RAC1: variants seen among roughly 807,000 people sequenced by gnomAD.
RAC1 encodes the protein Rac family small GTPase 1.
A neutral mutation model predicts 25.2 loss-of-function variants in RAC1; 2 were observed. The observed-to-expected ratio is 0.08, with a 90% CI of 0.03 to 0.25. The LOEUF (loss-of-function observed/expected upper bound fraction) is 0.25, where lower values mean the gene tolerates loss of function less well. Ranked by LOEUF, RAC1 falls within the 10% of genes least tolerant of loss-of-function variation. RAC1 has a pLI of 1.00. For synonymous variants in RAC1, 88 were observed against 94.0 expected (o/e 0.94, Z 0.37); for missense variants, 50 against 235.7 (o/e 0.21, Z 5.16).
At chr7:6,391,883 C>G in intron 2 of RAC1, 41 bp from the exon 3 acceptor site, 1 of 1,613,646 alleles carries the variant, frequency 6.2e-7, no homozygotes, top group Non-Finnish European at 8.5e-7. Context: ...AGTGACTTAG[C>G]TTCTACACCT....
At chr7:6,392,888 G>T (rs36094359) in intron 3 of RAC1, among the ~76,000 whole-genome samples, 1 of 152,206 alleles carries the variant, frequency 6.6e-6, no homozygotes, top group Non-Finnish European at 1.5e-5. Context: ...CTGTTTCCTT[G>T]TAGGGTGAGA....
rs34847745 is a variant in RAC1, at chr7:6,383,784, C to CTTTTTTTTT, written c.36-3401_36-3393dup. On this transcript the variant is annotated intron_variant, in intron 1 of 5. Transcript: ENST00000348035. Reference sequence around the variant, plus strand: ...GTTAAGGTTTTTACACAACCTTTATCTTTTTTTTTTTTTTTTTTTTTTTTT... The same window carrying CTTTTTTTTT: ...GTTAAGGTTTTTACACAACCTTTATCTTTTTTTTTTTTTTTTTTTTTTTTTTTTTTTTTT... Among the ~76,000 whole-genome samples, 338 of 39,808 alleles carry CTTTTTTTTT rather than the reference C, an allele frequency of 8.5e-3. 21 individuals carry two copies. The highest frequency in any genetic ancestry group is 0.019 in the East Asian group (12 of 632). 26.1% of individuals were successfully genotyped at this position (39,808 alleles called of 152,430 possible).
At chr7:6,378,182 A>G (rs2115182344) in intron 1 of RAC1, among the ~76,000 whole-genome samples, 1 of 151,550 alleles carries the variant, frequency 6.6e-6, no homozygotes, top group African/African-American at 2.4e-5. Context: ...GAAAATCTCT[A>G]TTTCAATCTT....
intron 2 of RAC1, among the ~76,000 whole-genome samples, chr7:6,390,507 G>A (rs1380785684): frequency 1.3e-5 from 2 of 151,748 alleles, no homozygotes; most frequent in Non-Finnish European, 2.9e-5. Context: ...GGCTGAGGCA[G>A]GAGAATCACT....
chr7:6,396,345 G>A (rs1009757736), intron 3 of RAC1, among the ~76,000 whole-genome samples: 3 of 152,126 alleles, frequency 2.0e-5, no homozygotes, highest in African/African-American at 4.8e-5. Flanking sequence ...TCAGGACAGC[G>A]ACGGCCGGGA....
chr7:6,401,092 A>G (rs975639309), intron 4 of RAC1, among the ~76,000 whole-genome samples: 4 of 151,980 alleles, frequency 2.6e-5, no homozygotes, highest in Non-Finnish European at 5.9e-5. Context: ...AGTAGCTGGG[A>G]TTACAGGTGC....
chr7:6,380,147 T>G (rs75601773), intron 1 of RAC1, among the ~76,000 whole-genome samples: 92 of 152,334 alleles, frequency 6.0e-4, no homozygotes, highest in African/African-American at 2.1e-3. Flanking sequence ...ACATTTATTC[T>G]TTACTTCTGT....
intron 1 of RAC1, chr7:6,375,790 A>G (rs1782574275): frequency 6.6e-6 from 1 of 151,410 alleles, no homozygotes; most frequent in Non-Finnish European, 1.5e-5. Context: ...GCTTTTCATG[A>G]TTGTCCGTGA....
At chr7:6,399,847 C>G in intron 3 of RAC1, 1 of 435,746 alleles carries the variant, frequency 2.3e-6, no homozygotes, top group Non-Finnish European at 4.1e-6. Context: ...AAGGAAGCCT[C>G]CTGAGGGTCT....
intron 1 of RAC1, among the ~76,000 whole-genome samples, chr7:6,375,051 C>A (rs978523913): frequency 6.6e-6 from 1 of 151,296 alleles, no homozygotes; most frequent in African/African-American, 2.4e-5. Context: ...TCCCGGACGC[C>A]GCCCGCCGCC....
intron 3 of RAC1, among the ~76,000 whole-genome samples, chr7:6,396,832 C>A (rs948857572): frequency 5.9e-5 from 9 of 152,244 alleles, no homozygotes; most frequent in Admixed American, 3.3e-4. Flanking sequence ...AGATCGAGAC[C>A]ATCCTGGCTA....
At chr7:6,396,903 A>G (rs1345597471) in intron 3 of RAC1, among the ~76,000 whole-genome samples, 5 of 151,968 alleles carry the variant, frequency 3.3e-5, no homozygotes, top group Admixed American at 6.6e-5. Context: ...GGTGGCGGGC[A>G]CCTGTGGTCC....
rs117361961 is a variant in RAC1 at position 6,389,278 on chromosome 7, G to A, written c.107+1995G>A. ...TTGCTGTCTATAAAGCTGTCACTTT[G>A]CTGGCCTTGACTTAAGTGGCCTCTT... On this transcript the variant is annotated intron_variant, in intron 2 of 5. Coordinates refer to ENST00000348035, the MANE Select transcript of RAC1 (RefSeq NM_006908.5). Among the ~76,000 whole-genome samples the A allele has an allele frequency of 7.0e-4, 107 of 151,896 alleles. No homozygotes were observed. The East Asian group carries it at 0.02, about 28-fold the overall frequency.
chr7:6,387,480 T>C (rs959298444), intron 2 of RAC1, among the ~76,000 whole-genome samples, 197 bp downstream of exon 2: 5 of 152,140 alleles, frequency 3.3e-5, no homozygotes, highest in African/African-American at 1.2e-4. Flanking sequence ...CTCAGCACTT[T>C]GGGAGACTGA....
intron 3 of RAC1, 147 bp from the exon 4 acceptor site, chr7:6,399,979 A>C: frequency 1.4e-6 from 1 of 690,914 alleles, no homozygotes; most frequent in Non-Finnish European, 2.5e-6. Flanking sequence ...TGACAAACTG[A>C]AAGGGTGGAT....
chr7:6,386,293 A>G (rs570150431), intron 1 of RAC1, among the ~76,000 whole-genome samples: 39 of 152,266 alleles, frequency 2.6e-4, no homozygotes, highest in African/African-American at 9.1e-4. Flanking sequence ...GGTGGCATTT[A>G]AATACAGCTG....
At chr7:6,375,090 C>G (rs1451030747) in intron 1 of RAC1, among the ~76,000 whole-genome samples, 1 of 152,062 alleles carries the variant, frequency 6.6e-6, no homozygotes, top group Non-Finnish European at 1.5e-5. Context: ...AGAGCAAGCG[C>G]TCTTGGAGAT....
chr7:6,395,260 C>T (rs1033013656), intron 3 of RAC1, among the ~76,000 whole-genome samples: 5 of 152,210 alleles, frequency 3.3e-5, no homozygotes, highest in African/African-American at 9.6e-5. Context: ...GCCACTACGC[C>T]TGGCCAGTGC....
chr7:6,376,537 C>T (rs34418095), intron 1 of RAC1, among the ~76,000 whole-genome samples: 1 of 138,196 alleles, frequency 7.2e-6, no homozygotes, highest in Admixed American at 7.8e-5. Context: ...GGGTCTCACT[C>T]TGTCGCCCAG....
Sources: gnomAD v4.1 joint callset for allele counts (sites outside exome capture counted in the v4.1 genomes callset) on GRCh38, gnomAD v4.1.1 for gene constraint, MANE v1.5 for transcripts, NCBI Gene and HGNC (gene_info 2026-07-23, HGNC 2026-07-21) for gene names.